DNAH7: variants seen among roughly 807,000 people sequenced by gnomAD.
DNAH7 encodes dynein axonemal heavy chain 7, also known as axonemal beta dynein heavy chain 7.
DNAH7 carries 397 observed loss-of-function variants against 444.6 expected under a neutral mutation model. That is an observed-to-expected ratio of 0.89 (90% CI 0.82 to 0.97). The LOEUF (loss-of-function observed/expected upper bound fraction) is 0.97. Ranked by LOEUF, DNAH7 falls within the 50% of genes least tolerant of loss-of-function variation. DNAH7 has a pLI of 0.00. For synonymous variants in DNAH7, 1,636 were observed against 1,624.4 expected (o/e 1.01, Z -0.17); for missense variants, 4,902 against 4,800.8 (o/e 1.02, Z -0.62).
At chr2:195,871,606 A>G (rs1371924844) in intron 40 of DNAH7, among the ~76,000 whole-genome samples, 1 of 152,108 alleles carries the variant, frequency 6.6e-6, no homozygotes, top group Non-Finnish European at 1.5e-5. Context: ...TAAAAAAAAA[A>G]AACCACATTC....
At chr2:195,746,030 C>G (rs1041830505) in intron 63 of DNAH7, among the ~76,000 whole-genome samples, 82 of 152,282 alleles carry the variant, frequency 5.4e-4, no homozygotes, top group Non-Finnish European at 9.7e-4. Context: ...GGACTAAATG[C>G]TCCAATTAAA....
At chr2:196,053,545 G>C (rs111467924) in intron 2 of DNAH7, among the ~76,000 whole-genome samples, 4 of 152,222 alleles carry the variant, frequency 2.6e-5, no homozygotes, top group East Asian at 1.9e-4. Context: ...CAGGGGACTA[G>C]AGTCAGCAGT....
Position 195,834,197 on chromosome 2 carries a change from A to C in DNAH7, c.9100+9T>G. ...TTCTGTAATGTATCTTAGTTATTCA[A>C]CTACATACCAGGAGTACCAAACTGG... On this transcript the variant is annotated intron_variant, in intron 48 of 64. Transcript: ENST00000312428. 1.3e-6 allele frequency: 2 copies of C among 1,599,250 alleles called. No homozygotes were observed. Among genetic ancestry groups the C allele is most frequent in the East Asian group, 2.2e-5 (1 of 44,474 alleles).
intron 8 of DNAH7, among the ~76,000 whole-genome samples, chr2:196,021,889 G>A (rs1695404101): frequency 6.6e-6 from 1 of 152,176 alleles, no homozygotes; most frequent in Admixed American, 6.5e-5. Flanking sequence ...CACTGTGGGA[G>A]GCTGAGGCAG....
At chr2:195,959,413 G>A (rs1559274393) in intron 18 of DNAH7, among the ~76,000 whole-genome samples, 1 of 152,050 alleles carries the variant, frequency 6.6e-6, no homozygotes, top group Non-Finnish European at 1.5e-5. Context: ...CCTTAAAATG[G>A]AATCTAGATG....
chr2:196,010,721 G>C (rs1212900096), intron 10 of DNAH7, among the ~76,000 whole-genome samples: 1 of 151,898 alleles, frequency 6.6e-6, no homozygotes, highest in African/African-American at 2.4e-5. Flanking sequence ...GTGTGTATGT[G>C]TGTGTGTATA....
intron 9 of DNAH7, among the ~76,000 whole-genome samples, chr2:196,016,245 AC>A (rs1413359263): frequency 2.0e-5 from 3 of 152,170 alleles, no homozygotes; most frequent in Non-Finnish European, 4.4e-5. Context: ...ATAAAAAAAA[AC>A]GATAACTTGT....
At chr2:195,981,187 C>A (rs146776097) in intron 15 of DNAH7, among the ~76,000 whole-genome samples, 1 of 151,998 alleles carries the variant, frequency 6.6e-6, no homozygotes, top group Non-Finnish European at 1.5e-5. Context: ...TTTACATTTA[C>A]GTATGCCAAA....
At chr2:195,942,513 G>A (rs1446012548) in intron 19 of DNAH7, among the ~76,000 whole-genome samples, 1 of 152,004 alleles carries the variant, frequency 6.6e-6, no homozygotes, top group Non-Finnish European at 1.5e-5. Context: ...CAGTGTGGCT[G>A]GAATAGAGTA....
intron 64 of DNAH7, among the ~76,000 whole-genome samples, 149 bp downstream of exon 64, chr2:195,740,605 GTGTGTGTGTGTA>G (rs1266297550): frequency 0.049 from 2,712 of 54,794 alleles, 45 homozygotes; most frequent in South Asian, 0.067. Flanking sequence ...GTGTGTGTGT[GTGTGTGTGTGTA>G]TATATATATA....
chr2:195,880,793 T>C (rs1701330810), intron 36 of DNAH7, among the ~76,000 whole-genome samples: 2 of 152,198 alleles, frequency 1.3e-5, no homozygotes, highest in Admixed American at 1.3e-4. Context: ...TAAAAGCAGA[T>C]TACAGAAGTA....
intron 2 of DNAH7, among the ~76,000 whole-genome samples, chr2:196,055,487 A>C (rs1023423157): frequency 9.9e-5 from 15 of 152,260 alleles, no homozygotes; most frequent in Non-Finnish European, 1.5e-4. Context: ...GATTAGGGGA[A>C]CGTTTCACAC....
At chr2:195,759,679 C>T (rs575503982) in intron 61 of DNAH7, among the ~76,000 whole-genome samples, 40 of 152,042 alleles carry the variant, frequency 2.6e-4, no homozygotes, top group African/African-American at 7.2e-4. Context: ...GGTGAAACCC[C>T]GTCTCTACAA....
At chr2:195,782,101 T>G (rs1367711719) in intron 58 of DNAH7, among the ~76,000 whole-genome samples, 1 of 152,222 alleles carries the variant, frequency 6.6e-6, no homozygotes, top group Non-Finnish European at 1.5e-5. Context: ...ATTTTCTTCT[T>G]TTACACTTTT....
At chr2:195,953,236 CCT>C (rs766798002) in intron 19 of DNAH7, among the ~76,000 whole-genome samples, 2 of 152,078 alleles carry the variant, frequency 1.3e-5, no homozygotes, top group Non-Finnish European at 1.5e-5. Flanking sequence ...CACTCCAGAC[CCT>C]GTTTGCCTGG....
chr2:195,740,645 AC>A, intron 64 of DNAH7, 120 bp downstream of exon 64: 2 of 34,640 alleles, frequency 5.8e-5, no homozygotes, highest in Non-Finnish European at 1.3e-4. Context: ...ATATATATAT[AC>A]ATATACACAC....
chr2:195,909,989 G>C (rs756514058), intron 25 of DNAH7, 38 bp downstream of exon 25: 28 of 1,570,922 alleles, frequency 1.8e-5, no homozygotes, highest in Non-Finnish European at 2.4e-5. Flanking sequence ...TCTCTGATCA[G>C]TTATCCTGTT....
At chr2:195,973,793 A>C (rs896409101) in intron 15 of DNAH7, among the ~76,000 whole-genome samples, 12 of 152,226 alleles carry the variant, frequency 7.9e-5, no homozygotes, top group African/African-American at 2.9e-4. Flanking sequence ...TTTTTAAGAA[A>C]ATATTAAAAA....
chr2:195,928,699 TTTCTGGAAAATA>T (rs1688497639), intron 21 of DNAH7, among the ~76,000 whole-genome samples: 1 of 151,652 alleles, frequency 6.6e-6, no homozygotes, highest in African/African-American at 2.4e-5. Context: ...GATTTTAAAT[TTTCTGGAAAATA>T]TTGTGTAGGG....
Sources: gnomAD v4.1 joint callset for allele counts (sites outside exome capture counted in the v4.1 genomes callset) on GRCh38, gnomAD v4.1.1 for gene constraint, MANE v1.5 for transcripts, NCBI Gene and HGNC (gene_info 2026-07-23, HGNC 2026-07-21) for gene names.